The following ZNF568 variants were observed in gnomAD, a reference collection of about 807,000 sequenced individuals.
ZNF568 encodes p53 inhibitor of SCO2 activation.
In ZNF568, 11 loss-of-function variants were observed where a neutral mutation model predicts 18.1. The observed-to-expected ratio is 0.61, with a 90% CI of 0.38 to 1.00. The LOEUF (loss-of-function observed/expected upper bound fraction) is 1.00, where lower values mean the gene tolerates loss of function less well. ZNF568 is among the 50% of genes least tolerant of loss of function. The probability of loss-of-function intolerance (pLI) is 0.01; values close to 1 mark genes in which losing one functional copy is unlikely to be tolerated. For synonymous variants in ZNF568, 213 were observed against 246.6 expected (o/e 0.86, Z 1.28); for missense variants, 639 against 768.2 (o/e 0.83, Z 1.99).
At chr19:36,934,663 T>C (rs960902545) in intron 4 of ZNF568, among the ~76,000 whole-genome samples, 1 of 152,180 alleles carries the variant, frequency 6.6e-6, no homozygotes, top group Non-Finnish European at 1.5e-5. Context: ...AAATCTTTCT[T>C]CTTTTTTAAT....
chr19:36,962,340 T>C (rs932153560), intron 6 of ZNF568, among the ~76,000 whole-genome samples: 16 of 147,004 alleles, frequency 1.1e-4, no homozygotes, highest in Non-Finnish European at 7.5e-5. Context: ...TTCTTTCTTT[T>C]TTTTTTTTTT....
At chr19:36,964,745 G>T (rs1027821954) in intron 6 of ZNF568, among the ~76,000 whole-genome samples, 5 of 152,124 alleles carry the variant, frequency 3.3e-5, no homozygotes, top group Non-Finnish European at 5.9e-5. Context: ...AGCTCAGGAG[G>T]TTGGGGCTGC....
chr19:36,975,681 C>CTTTTTTT (rs1193440344), intron 7 of ZNF568, among the ~76,000 whole-genome samples: 2,671 of 75,682 alleles, frequency 0.035, 495 homozygotes, highest in African/African-American at 0.079. Context: ...CGCGCCAAGA[C>CTTTTTTT]TTTTTTTTTT....
downstream of ZNF568, among the ~76,000 whole-genome samples, chr19:36,956,539 A>T (rs116792394): frequency 0.014 from 2,071 of 152,282 alleles, 23 homozygotes; most frequent in African/African-American, 0.024. Flanking sequence ...TTTTCCTGGG[A>T]AACTGACTTA....
At chr19:36,935,299 C>T (rs986806570) in intron 4 of ZNF568, among the ~76,000 whole-genome samples, 3 of 152,144 alleles carry the variant, frequency 2.0e-5, no homozygotes, top group Non-Finnish European at 2.9e-5. Context: ...CGGGGGCTCA[C>T]GTCTGTAATC....
chr19:36,953,194 T>G (rs368159687), downstream of ZNF568, among the ~76,000 whole-genome samples: 116 of 152,304 alleles, frequency 7.6e-4, 1 homozygote, highest in African/African-American at 2.7e-3. Flanking sequence ...ACCAATATAT[T>G]TAGAGTATTG....
chr19:36,997,516 C>T, downstream of ZNF568: 1 of 1,588,362 alleles, frequency 6.3e-7, no homozygotes, highest in South Asian at 1.1e-5. Context: ...ACTCACACAT[C>T]ATGAGAGAAG....
chr19:36,957,922 G>A (rs1428147732), intron 6 of ZNF568, among the ~76,000 whole-genome samples: 1 of 152,146 alleles, frequency 6.6e-6, no homozygotes. Context: ...CCAAAAGATT[G>A]CCTTATTGAG....
At chr19:36,964,125 G>T (rs1160358275) in intron 6 of ZNF568, among the ~76,000 whole-genome samples, 2 of 149,340 alleles carry the variant, frequency 1.3e-5, no homozygotes, top group Admixed American at 6.7e-5. Flanking sequence ...CAGTAACTTT[G>T]TAAGATCTCA....
At position 36,951,778 on chromosome 19, in the gene ZNF568, T is replaced by C. The variant is rs2074063668; in HGVS notation, c.*690T>C. 4.6e-6 allele frequency: 1 copy of C among 218,162 alleles called. No individual in the cohort carries two copies. Among genetic ancestry groups the C allele is most frequent in the African/African-American group, 2.4e-5 (1 of 42,206 alleles). The allele number at this position is 218,162 out of a possible 1,614,324, so 13.5% of individuals were successfully genotyped here. A position where few individuals can be genotyped will look rare whatever the true frequency, so the allele number is the denominator to read the frequency against. On this transcript the variant is annotated 3_prime_UTR_variant, in exon 7 of 7. Transcript: ENST00000333987. ...GCAGCCTCTGCTTTCCGGGTTTTTT[T>C]GTTTTGTTTTGTTTTGTTTTTTGTA...
rs1299980763 is a variant in ZNF568 at position 36,950,724 on chromosome 19, A to G, written c.1571A>G (p.His524Arg). The G allele has an allele frequency of 6.2e-6, 10 of 1,613,696 alleles. No homozygotes were observed. The highest frequency in any genetic ancestry group is 8.5e-6 in the Non-Finnish European group (10 of 1,179,974). The change falls in exon 7 of 7, where the codon CAT (histidine) becomes CGT (arginine). Residue 524 changes from histidine (H) to arginine (R), a missense_variant. Coordinates refer to ENST00000333987, the MANE Select transcript of ZNF568 (RefSeq NM_198539.4). The part of the protein sequence containing the change: ...KSNLTEHEKI[H>R]TGEKPYHCNQ... The stretch of plus-strand genomic sequence containing the variant: ...AACCTCACTGAACATGAGAAAATTC[A>G]TACTGGAGAGAAACCTTATCATTGT...
chr19:36,962,065 A>C (rs1377880724), intron 6 of ZNF568, among the ~76,000 whole-genome samples: 2 of 150,348 alleles, frequency 1.3e-5, no homozygotes, highest in Non-Finnish European at 3.0e-5. Context: ...CTCTGGCTCC[A>C]AAGTGCTGGG....
intron 6 of ZNF568, among the ~76,000 whole-genome samples, chr19:36,947,536 C>T (rs1008975350): frequency 9.9e-5 from 15 of 152,150 alleles, no homozygotes; most frequent in African/African-American, 2.9e-4. Context: ...TCAGCCTTTA[C>T]GGGATGGAAA....
intron 6 of ZNF568, among the ~76,000 whole-genome samples, chr19:36,962,530 G>A (rs934896941): frequency 2.0e-5 from 3 of 151,358 alleles, no homozygotes; most frequent in African/African-American, 4.9e-5. Flanking sequence ...TAGTAGAGAC[G>A]GTCTTTTACC....
chr19:36,996,441 G>A, exon 5 of ZNF568: 2 of 1,536,384 alleles, frequency 1.3e-6, no homozygotes, highest in Non-Finnish European at 1.7e-6. Flanking sequence ...AGAGACAACA[G>A]GGTCATCAGG....
At chr19:36,977,017 A>C (rs2074291413) in intron 7 of ZNF568, among the ~76,000 whole-genome samples, 1 of 152,236 alleles carries the variant, frequency 6.6e-6, no homozygotes, top group African/African-American at 2.4e-5. Context: ...ACAACATTTC[A>C]TATGTTCAGC....
Position 36,962,277 on chromosome 19 carries a change from G to GTTATTTTTTT in ZNF568, c.359-12141_359-12140insATTTTTTTTT, listed in dbSNP as rs1555736279. Among the ~76,000 whole-genome samples, 17 of 45,288 alleles carry GTTATTTTTTT rather than the reference G, an allele frequency of 3.8e-4. 1 individual carries two copies. Among genetic ancestry groups the GTTATTTTTTT allele is most frequent in the Admixed American group, 7.3e-4 (2 of 2,746 alleles). 29.7% of individuals were successfully genotyped at this position (45,288 alleles called of 152,430 possible). A position where few individuals can be genotyped will look rare whatever the true frequency, so the allele number is the denominator to read the frequency against. On this transcript the variant is annotated intron_variant, in intron 6 of 7. Coordinates refer to the ZNF568 transcript ENST00000427117. ...TTTTCATGATGGTAAGTGTTGCAGT[G>GTTATTTTTTT]TTTTTTTTTTTTTTTTTTTTTTTGC...
At chr19:36,991,944 C>T (rs2146349857) in intron 4 of ZNF568, 2 of 938,180 alleles carry the variant, frequency 2.1e-6, no homozygotes, top group Non-Finnish European at 3.1e-6. Flanking sequence ...AGGAAAGCTG[C>T]CTAAAAAGGC....
chr19:36,924,733 A>G (rs2073522397), intron 3 of ZNF568, among the ~76,000 whole-genome samples: 1 of 151,062 alleles, frequency 6.6e-6, no homozygotes, highest in African/African-American at 2.4e-5. Context: ...TGGGAGGCTG[A>G]GGCAGGAGAA....
Sources: allele counts gnomAD v4.1 joint callset (sites outside exome capture counted in the v4.1 genomes callset), GRCh38; gene constraint gnomAD v4.1.1; transcripts MANE v1.5; gene names NCBI Gene and HGNC (gene_info 2026-07-23, HGNC 2026-07-21).